The following TRMT13 variants were observed in gnomAD, a reference collection of about 807,000 sequenced individuals.
The protein encoded by TRMT13 is tRNA:m(4)X modification enzyme TRM13 homolog.
Under a neutral mutation model 55.9 loss-of-function variants are expected in TRMT13, and 45 were observed. The ratio of observed to expected loss-of-function variants is 0.80; its 90% CI spans 0.63 to 1.03. The LOEUF (loss-of-function observed/expected upper bound fraction) is 1.03, where lower values mean the gene tolerates loss of function less well. TRMT13 is among the 50% of genes least tolerant of loss of function. TRMT13 has a pLI of 0.00. For synonymous variants in TRMT13, 183 were observed against 196.3 expected (o/e 0.93, Z 0.57); for missense variants, 513 against 563.9 (o/e 0.91, Z 0.91).
intron 3 of TRMT13, among the ~76,000 whole-genome samples, chr1:100,137,912 A>G (rs1257061076): frequency 4.6e-5 from 7 of 152,208 alleles, no homozygotes; most frequent in Admixed American, 4.6e-4. Flanking sequence ...CTTAGGACTT[A>G]GCCCCTTTAA....
chr1:100,143,152 A>C lies in TRMT13; in HGVS notation c.685A>C (p.Arg229=), dbSNP rs758820755. The change falls in exon 8 of 11, where the codon AGA becomes CGA. Residue 229 remains arginine (R), a synonymous_variant. Transcript: ENST00000370141. ...GTTTGTGCAGGTGGATGGAAAACAC[A>C]GAAAGAAAAATTCAGTGTTTGAAAG... is the stretch of plus-strand genomic sequence containing the variant. ...TTRFKVDGKH[R]KKNSVFERLQ... 13 of 1,609,386 alleles carry C rather than the reference A, an allele frequency of 8.1e-6. No individual in the cohort carries two copies. In the Admixed American group the frequency reaches 2.2e-4, roughly 27 times the overall value.
intron 9 of TRMT13, among the ~76,000 whole-genome samples, chr1:100,147,038 TA>T (rs976800321): frequency 7.2e-5 from 11 of 152,188 alleles, no homozygotes; most frequent in African/African-American, 2.2e-4. Context: ...CTTAGGGTAA[TA>T]AAATTTTAAA....
chr1:100,136,669 G>A (rs1655919244), intron 1 of TRMT13, among the ~76,000 whole-genome samples: 1 of 152,078 alleles, frequency 6.6e-6, no homozygotes, highest in Non-Finnish European at 1.5e-5. Context: ...ACCCTTGTTT[G>A]TCCAAAGCAG....
rs962657877 is a variant in TRMT13 at position 100,143,292 on chromosome 1, A to C, written c.742+83A>C. 6 of 779,028 alleles carry C rather than the reference A, an allele frequency of 7.7e-6. No homozygotes were observed. The African/African-American group carries it at 1.0e-4, about 14-fold the overall frequency. The allele number at this position is 779,028 out of a possible 1,614,324, so 48.3% of individuals were successfully genotyped here. On this transcript the variant is annotated intron_variant, in intron 8 of 10. Coordinates refer to ENST00000370141, the MANE Select transcript of TRMT13 (RefSeq NM_019083.3). The stretch of plus-strand genomic sequence containing the variant: ...AGGTTGCTTAGAAATCCAATCATGC[A>C]GAACTGTGCTTCAGGGAAAACAGTC...
rs1287764178 is a variant in TRMT13, at chr1:100,148,906, A to G, written c.*86A>G. On this transcript the variant is annotated 3_prime_UTR_variant, in exon 11 of 11. Transcript: ENST00000370141. ...TATATCAAAAAAATATATACTTTAA[A>G]TAGCAAATAATATGAACTTTAAAAA... The G allele has an allele frequency of 5.1e-5, 57 of 1,109,004 alleles. No homozygotes were observed. The highest frequency in any genetic ancestry group is 6.5e-5 in the Non-Finnish European group (55 of 840,160). The allele number at this position is 1,109,004 out of a possible 1,614,324, so 68.7% of individuals were successfully genotyped here. A position where few individuals can be genotyped will look rare whatever the true frequency, so the allele number is the denominator to read the frequency against.
chr1:100,142,020 G>A (rs1388120336), intron 7 of TRMT13, among the ~76,000 whole-genome samples: 4 of 152,342 alleles, frequency 2.6e-5, no homozygotes, highest in South Asian at 2.1e-4. Flanking sequence ...TAAGGAAGGA[G>A]TTTGACTATG....
At position 100,150,353 on chromosome 1, in the gene TRMT13, C is replaced by A. The variant is rs1200329598; in HGVS notation, c.*1533C>A. 2.0e-5 allele frequency: 3 copies of A among 152,008 alleles called. No individual in the cohort carries two copies. Among genetic ancestry groups the A allele is most frequent in the Admixed American group, 6.6e-5 (1 of 15,242 alleles). 9.4% of individuals were successfully genotyped at this position (152,008 alleles called of 1,614,324 possible). On this transcript the variant is annotated 3_prime_UTR_variant, in exon 11 of 11. Transcript: ENST00000370141. Reference sequence around the variant, plus strand: ...TTGTTTAAGTTAGTTACCCATGTCCCCAATCAAGGGAACCTAAATGAAGAT... The same window carrying A: ...TTGTTTAAGTTAGTTACCCATGTCCACAATCAAGGGAACCTAAATGAAGAT...
Position 100,149,165 on chromosome 1 carries a change from T to C in TRMT13, c.*345T>C. ...TGTTTGTATTAATTTTGGAAATTTA[T>C]CTTCCTTTGATTTTATTTAATATTT... On this transcript the variant is annotated 3_prime_UTR_variant, in exon 11 of 11. Coordinates refer to ENST00000370141, the MANE Select transcript of TRMT13 (RefSeq NM_019083.3). The C allele has an allele frequency of 6.4e-7, 1 of 1,556,454 alleles. No homozygotes were observed. The highest frequency in any genetic ancestry group is 8.6e-7 in the Non-Finnish European group (1 of 1,157,924).
In TRMT13 at chr1:100,137,025, A is replaced by G. The variant is rs919041584; in HGVS notation, c.201A>G (p.Val67=). ...ILCPLDPKHT[V]YEDQLAKHLK... ...ATTTTCTCTTTAAATTTAGCACAGT[A>G]TATGAAGATCAACTAGCAAAGCATT... Residue 67 remains valine, a synonymous_variant, in exon 3 of 11, where the codon GTA becomes GTG. Coordinates refer to ENST00000370141, the MANE Select transcript of TRMT13 (RefSeq NM_019083.3). 8.1e-6 allele frequency: 13 copies of G among 1,612,982 alleles called. No individual in the cohort carries two copies. In the African/African-American group the frequency reaches 1.7e-4, roughly 22 times the overall value.
At chr1:100,146,112 C>T (rs749135696) in intron 9 of TRMT13, among the ~76,000 whole-genome samples, 6 of 152,176 alleles carry the variant, frequency 3.9e-5, no homozygotes, top group Non-Finnish European at 7.4e-5. Context: ...CCCCCATTCA[C>T]CTACTCACCC....
rs114561103 is a variant in TRMT13 at position 100,139,496 on chromosome 1, T to C, written c.262-153T>C. On this transcript the variant is annotated intron_variant, in intron 3 of 10. Transcript: ENST00000370141. ...ACCTAAAGCAAACTAGGGCCTAGAGTAAATATTCAATAGTGATTTCATGAA... is the reference window on the plus strand; with the variant it reads ...ACCTAAAGCAAACTAGGGCCTAGAGCAAATATTCAATAGTGATTTCATGAA... Among the ~76,000 whole-genome samples, 439 of 152,140 alleles carry C rather than the reference T, an allele frequency of 2.9e-3. 3 individuals are homozygous for C. The highest frequency in any genetic ancestry group is 9.8e-3 in the African/African-American group (405 of 41,496).
Position 100,141,034 on chromosome 1 carries a change from T to C in TRMT13, c.669+15T>C. On this transcript the variant is annotated intron_variant, in intron 7 of 10. Coordinates refer to ENST00000370141, the MANE Select transcript of TRMT13 (RefSeq NM_019083.3). ...CAAGATTCAAGGTAAGTGAAACCAT[T>C]GCTCTGTGTTAGTAACCAAACTTGT... The C allele has an allele frequency of 6.3e-7, 1 of 1,594,050 alleles. No individual in the cohort carries two copies. Among genetic ancestry groups the C allele is most frequent in the Non-Finnish European group, 8.5e-7 (1 of 1,170,372 alleles).
In TRMT13 at chr1:100,149,007, A is replaced by C. The variant is rs139727370; in HGVS notation, c.*187A>C. On this transcript the variant is annotated 3_prime_UTR_variant, in exon 11 of 11. Transcript: ENST00000370141. ...AATCCAAACATTAGAGAATTCACCA[A>C]AGTAATCCTCTTTAGAAGGGCATCT... 621 of 1,506,686 alleles carry C rather than the reference A, an allele frequency of 4.1e-4. 2 individuals carry two copies. The African/African-American group carries it at 7.5e-3, about 18-fold the overall frequency. 93.3% of individuals were successfully genotyped at this position (1,506,686 alleles called of 1,614,324 possible).
intron 3 of TRMT13, among the ~76,000 whole-genome samples, chr1:100,137,597 C>T (rs1278119604): frequency 2.0e-5 from 3 of 152,140 alleles, no homozygotes; most frequent in Non-Finnish European, 4.4e-5. Flanking sequence ...TAAGGGCTGC[C>T]ATGCGATCCA....
intron 1 of TRMT13, 56 bp from the exon 2 acceptor site, chr1:100,136,826 C>G: frequency 1.4e-6 from 2 of 1,393,680 alleles, no homozygotes; most frequent in African/African-American, 2.9e-5. Context: ...TATCTGGTAT[C>G]TGTAAGCAAT....
chr1:100,149,040 T>C lies in TRMT13; in HGVS notation c.*220T>C. 2 of 1,586,038 alleles carry C rather than the reference T, an allele frequency of 1.3e-6. No homozygotes were observed. Among genetic ancestry groups the C allele is most frequent in the Non-Finnish European group, 1.7e-6 (2 of 1,169,316 alleles). On this transcript the variant is annotated 3_prime_UTR_variant, in exon 11 of 11. Transcript: ENST00000370141. The stretch of plus-strand genomic sequence containing the variant: ...CTCTTTAGAAGGGCATCTTGAATTA[T>C]ATTATCCATCCGTATTTATGGAGAT...
chr1:100,135,199 A>G (rs1655652021), intron 1 of TRMT13, among the ~76,000 whole-genome samples: 1 of 152,202 alleles, frequency 6.6e-6, no homozygotes, highest in African/African-American at 2.4e-5. Flanking sequence ...AATAGTGCCA[A>G]GATTGAGAAT....
At chr1:100,137,586 A>G (rs1656042958) in intron 3 of TRMT13, among the ~76,000 whole-genome samples, 2 of 152,144 alleles carry the variant, frequency 1.3e-5, no homozygotes, top group Non-Finnish European at 2.9e-5. Context: ...ACACTGTACA[A>G]TAAGGGCTGC....
chr1:100,148,617 C>T lies in TRMT13; in HGVS notation c.1251-8C>T. 6.3e-7 allele frequency: 1 copy of T among 1,591,980 alleles called. No homozygotes were observed. The highest frequency in any genetic ancestry group is 8.5e-7 in the Non-Finnish European group (1 of 1,174,346). ...TAACAATGTTTTGTGTGTGTTTATT[C>T]AATTTAGGCTTCTTAGTGTTGAAGA... On this transcript the variant is annotated splice_polypyrimidine_tract_variant and splice_region_variant and intron_variant, in intron 10 of 10. Coordinates refer to ENST00000370141, the MANE Select transcript of TRMT13 (RefSeq NM_019083.3).
Sources: gnomAD v4.1 joint callset for allele counts (sites outside exome capture counted in the v4.1 genomes callset) on GRCh38, gnomAD v4.1.1 for gene constraint, MANE v1.5 for transcripts, NCBI Gene and HGNC (gene_info 2026-07-23, HGNC 2026-07-21) for gene names.